Variants in SORCS1 observed in about 807,000 individuals in gnomAD.
SORCS1 encodes VPS10 domain-containing receptor SorCS1.
In SORCS1, 60 loss-of-function variants were observed where a neutral mutation model predicts 146.1. The observed-to-expected ratio is 0.41, with a 90% CI of 0.33 to 0.51. SORCS1 has a LOEUF of 0.51. SORCS1 is among the 20% of genes least tolerant of loss of function. SORCS1 has a pLI of 0.21. For synonymous variants in SORCS1, 637 were observed against 584.0 expected (o/e 1.09, Z -1.31); for missense variants, 1,352 against 1,487.6 (o/e 0.91, Z 1.50).
chr10:107,028,314 A>G (rs1225099990), intron 1 of SORCS1, among the ~76,000 whole-genome samples: 1 of 152,214 alleles, frequency 6.6e-6, no homozygotes, highest in Non-Finnish European at 1.5e-5. Flanking sequence ...CCTCTTGTGA[A>G]ATGGGCATCA....
intron 5 of SORCS1, among the ~76,000 whole-genome samples, chr10:106,734,964 G>A (rs1348314083): frequency 6.6e-6 from 1 of 152,008 alleles, no homozygotes; most frequent in Non-Finnish European, 1.5e-5. Context: ...TGGCCAACAT[G>A]GCAAAACCCC....
intron 1 of SORCS1, among the ~76,000 whole-genome samples, chr10:107,091,780 T>C (rs1053532270): frequency 3.3e-5 from 5 of 152,218 alleles, no homozygotes; most frequent in African/African-American, 1.2e-4. Flanking sequence ...AATGATCCAT[T>C]TGGCTACATT....
chr10:106,688,495 T>C (rs1266780239), intron 9 of SORCS1, among the ~76,000 whole-genome samples, 157 bp from the exon 10 acceptor site: 2 of 152,146 alleles, frequency 1.3e-5, no homozygotes, highest in African/African-American at 4.8e-5. Context: ...CAAGGTATAA[T>C]GACTTCCTAG....
chr10:107,097,097 T>C (rs146494168), intron 1 of SORCS1, among the ~76,000 whole-genome samples: 252 of 152,310 alleles, frequency 1.7e-3, no homozygotes, highest in African/African-American at 5.8e-3. Flanking sequence ...CCATGTCCAA[T>C]TGTGATGAAT....
At position 106,761,824 on chromosome 10, in the gene SORCS1, C is replaced by G. The variant is rs41291874; in HGVS notation, c.886-163G>C. On this transcript the variant is annotated intron_variant, in intron 4 of 25. Transcript: ENST00000263054. Reference sequence around the variant, plus strand: ...ATGTGTACCATCTCTATTCCTTATACAAATTCTGCAAGTCAGACTAATATC... The same window carrying G: ...ATGTGTACCATCTCTATTCCTTATAGAAATTCTGCAAGTCAGACTAATATC... Among the ~76,000 whole-genome samples the G allele has an allele frequency of 2.1e-3, 324 of 152,352 alleles. 2 individuals carry two copies. The highest frequency in any genetic ancestry group is 3.1e-3 in the Non-Finnish European group (210 of 68,032).
At position 106,761,605 on chromosome 10, in the gene SORCS1, T is replaced by C; in HGVS notation, c.942A>G (p.Val314=). The C allele has an allele frequency of 6.2e-7, 1 of 1,614,164 alleles. No individual in the cohort carries two copies. Among genetic ancestry groups the C allele is most frequent in the Middle Eastern group, 1.6e-4 (1 of 6,062 alleles). The change falls in exon 5 of 26, where the codon GTA becomes GTG. Residue 314 remains valine (V), a synonymous_variant. Coordinates refer to ENST00000263054, the MANE Select transcript of SORCS1 (RefSeq NM_052918.5). The part of the protein sequence containing the change: ...RRWQLIQEGV[V]PNRFYWSVMG... The stretch of plus-strand genomic sequence containing the variant: ...AGACTTACCAGTAGAACCTGTTTGG[T>C]ACAACCCCTTCTTGGATAAGCTGCC...
intron 1 of SORCS1, among the ~76,000 whole-genome samples, chr10:106,976,699 C>G (rs1956040260): frequency 6.6e-6 from 1 of 152,130 alleles, no homozygotes; most frequent in African/African-American, 2.4e-5. Flanking sequence ...CCCCTTGCCT[C>G]TCACCCCCAA....
chr10:107,065,933 T>C (rs1961805920), intron 1 of SORCS1, among the ~76,000 whole-genome samples: 1 of 152,166 alleles, frequency 6.6e-6, no homozygotes, highest in South Asian at 2.1e-4. Context: ...GCTCAGTGAG[T>C]AGCAGAGACA....
At chr10:106,925,704 A>G (rs10884377) in intron 2 of SORCS1, among the ~76,000 whole-genome samples, 79,542 of 152,136 alleles carry the variant, frequency 0.52, 22,408 homozygotes, top group Non-Finnish European at 0.63. Flanking sequence ...ACATATCATT[A>G]CTTCAAGTAT....
chr10:107,008,695 C>T lies in SORCS1; in HGVS notation c.559-52115G>A, dbSNP rs1010792960. On this transcript the variant is annotated intron_variant, in intron 1 of 25. Transcript: ENST00000263054. Reference sequence around the variant, plus strand: ...ATGAGACCATCAGAATTCAACAGCACTCAAAAATGGTTATTATATGGGCCG... The same window carrying T: ...ATGAGACCATCAGAATTCAACAGCATTCAAAAATGGTTATTATATGGGCCG... Among the ~76,000 whole-genome samples the T allele has an allele frequency of 2.6e-5, 4 of 152,144 alleles. No homozygotes were observed. The East Asian group carries it at 7.7e-4, about 29-fold the overall frequency.
At chr10:106,771,905 A>G (rs891701999) in intron 4 of SORCS1, among the ~76,000 whole-genome samples, 4 of 152,190 alleles carry the variant, frequency 2.6e-5, no homozygotes, top group South Asian at 2.1e-4. Flanking sequence ...AAGAATTTCA[A>G]TGGGTAAAAG....
chr10:107,022,669 C>T (rs1451848976), intron 1 of SORCS1, among the ~76,000 whole-genome samples: 2 of 152,188 alleles, frequency 1.3e-5, no homozygotes, highest in Non-Finnish European at 2.9e-5. Flanking sequence ...CAAGGTTAAA[C>T]ACTGGTGATT....
chr10:107,089,764 T>C (rs1964045733), intron 1 of SORCS1, among the ~76,000 whole-genome samples: 1 of 152,234 alleles, frequency 6.6e-6, no homozygotes, highest in South Asian at 2.1e-4. Flanking sequence ...TTGTCACATC[T>C]ATATTTTCCC....
intron 2 of SORCS1, among the ~76,000 whole-genome samples, chr10:106,922,165 T>G (rs1952747522): frequency 6.6e-6 from 1 of 152,252 alleles, no homozygotes; most frequent in Non-Finnish European, 1.5e-5. Flanking sequence ...GATAAGTTTC[T>G]TTCAGCACTT....
the SORCS1 span, among the ~76,000 whole-genome samples, chr10:107,172,626 AATGCAGGCAC>A: frequency 1.3e-5 from 2 of 152,204 alleles, no homozygotes; most frequent in Non-Finnish European, 2.9e-5. Context: ...TCCAAAACCT[AATGCAGGCAC>A]AGAGAAGACA....
chr10:106,899,956 A>T (rs1951640006), intron 2 of SORCS1, among the ~76,000 whole-genome samples: 1 of 151,888 alleles, frequency 6.6e-6, no homozygotes, highest in South Asian at 2.1e-4. Context: ...GTGTGTATGT[A>T]CATACACACA....
chr10:107,076,611 A>C (rs760947910), intron 1 of SORCS1, among the ~76,000 whole-genome samples: 2 of 152,196 alleles, frequency 1.3e-5, no homozygotes, highest in African/African-American at 2.4e-5. Flanking sequence ...TCATTAGCAT[A>C]ATTCACTATC....
intron 1 of SORCS1, among the ~76,000 whole-genome samples, chr10:107,062,795 A>G (rs1258436302): frequency 6.6e-6 from 1 of 152,228 alleles, no homozygotes; most frequent in Non-Finnish European, 1.5e-5. Flanking sequence ...AAGATCAAGG[A>G]TACTGCATCT....
rs199658375 is a variant in SORCS1, at chr10:106,620,437, G to A, written c.2787C>T (p.Asn929=). Residue 929 remains asparagine, a synonymous_variant, in exon 20 of 26, where the codon AAC becomes AAT. Coordinates refer to ENST00000263054, the MANE Select transcript of SORCS1 (RefSeq NM_052918.5). ...TGGAAGGTGAACCCACCTCCGTGTT[G>A]TTTCCGTACCACCACACGTAAGTGA... The part of the protein sequence containing the change: ...GTLTYVWWYG[N]NTEPLITLEG... 24 of 1,612,964 alleles carry A rather than the reference G, an allele frequency of 1.5e-5. No homozygotes were observed. The East Asian group carries it at 5.4e-4, about 36-fold the overall frequency.
Sources: gnomAD v4.1 joint callset for allele counts (sites outside exome capture counted in the v4.1 genomes callset) on GRCh38, gnomAD v4.1.1 for gene constraint, MANE v1.5 for transcripts, NCBI Gene and HGNC (gene_info 2026-07-23, HGNC 2026-07-21) for gene names.